STAB2: variants seen among roughly 807,000 people sequenced by gnomAD.
STAB2 encodes stabilin-2.
In STAB2, 288 loss-of-function variants were observed where a neutral mutation model predicts 338.1. That is an observed-to-expected ratio of 0.85 (90% confidence interval 0.77 to 0.94). The LOEUF (loss-of-function observed/expected upper bound fraction) is 0.94, where lower values mean the gene tolerates loss of function less well. Among genes scored for constraint, STAB2 ranks in the 40% least tolerant of loss-of-function variants. STAB2 has a pLI of 0.00. For missense variants in STAB2, 3,141 were observed against 3,210.1 expected (o/e 0.98, Z 0.52); for synonymous variants, 1,202 against 1,193.3 (o/e 1.01, Z -0.15).
chr12:103,705,010 CAAAG>C (rs1436817726), intron 36 of STAB2: 1 of 163,744 alleles, frequency 6.1e-6, no homozygotes, highest in Non-Finnish European at 1.3e-5. Flanking sequence ...CTAACTTTCT[CAAAG>C]AAACAGATGG....
In STAB2 at chr12:103,733,162, C is replaced by T. The variant is rs147616217; in HGVS notation, c.5440C>T (p.His1814Tyr). The T allele has an allele frequency of 4.3e-6, 7 of 1,614,074 alleles. No individual in the cohort carries two copies. The East Asian group carries it at 1.3e-4, about 31-fold the overall frequency. The change falls in exon 51 of 69, where the codon CAT (histidine) becomes TAT (tyrosine). Residue 1814 changes from histidine to tyrosine, a missense_variant. Coordinates refer to ENST00000388887, the MANE Select transcript of STAB2 (RefSeq NM_017564.10). The part of the protein sequence containing the change: ...KDKLKEYLKF[H>Y]VIRDAKVLAV... ...CAAGCTGAAGGAGTATTTGAAGTTTCATGTGATACGAGATGCCAAGGTATT... is the reference window on the plus strand; with the variant it reads ...CAAGCTGAAGGAGTATTTGAAGTTTTATGTGATACGAGATGCCAAGGTATT...
At chr12:103,710,644 G>C (rs535284639) in intron 39 of STAB2, among the ~76,000 whole-genome samples, 1 of 152,326 alleles carries the variant, frequency 6.6e-6, no homozygotes, top group South Asian at 2.1e-4. Flanking sequence ...AGAGAATAGA[G>C]AGAAAGGGAT....
chr12:103,634,077 G>A (rs1957506544), intron 6 of STAB2, among the ~76,000 whole-genome samples: 1 of 152,182 alleles, frequency 6.6e-6, no homozygotes, highest in African/African-American at 2.4e-5. Flanking sequence ...CCCACCAGTA[G>A]GAAATTGGTT....
chr12:103,663,298 T>G (rs1217371408), intron 18 of STAB2, among the ~76,000 whole-genome samples: 1 of 152,214 alleles, frequency 6.6e-6, no homozygotes, highest in Non-Finnish European at 1.5e-5. Context: ...TAATTTATTC[T>G]CTCACAATTC....
chr12:103,621,589 G>A lies in STAB2; in HGVS notation c.418-453G>A, dbSNP rs140713218. Among the ~76,000 whole-genome samples, 187 of 152,246 alleles carry A rather than the reference G, an allele frequency of 1.2e-3. 1 individual carries two copies. Among genetic ancestry groups the A allele is most frequent in the African/African-American group, 4.2e-3 (176 of 41,536 alleles). On this transcript the variant is annotated intron_variant, in intron 4 of 68. Coordinates refer to ENST00000388887, the MANE Select transcript of STAB2 (RefSeq NM_017564.10). Reference sequence around the variant, plus strand: ...TCTACTAAAAATACAAAAATTATCCGGGTGTGGTGGTGTGCACCTGTAATC... The same window carrying A: ...TCTACTAAAAATACAAAAATTATCCAGGTGTGGTGGTGTGCACCTGTAATC...
At position 103,654,661 on chromosome 12, in the gene STAB2, T is replaced by C. The variant is rs373507541; in HGVS notation, c.1514T>C (p.Met505Thr). The C allele has an allele frequency of 4.3e-6, 7 of 1,614,048 alleles. No individual in the cohort carries two copies. In the African/African-American group the frequency reaches 6.7e-5, roughly 15 times the overall value. The change falls in exon 13 of 69, where the codon ATG becomes ACG. Residue 505 changes from methionine to threonine, a missense_variant. Transcript: ENST00000388887. ...NGLLHILDRA[M>T]DKLEPTFESN... ...CTTCTGCACATCCTTGACAGAGCCATGGACAAGTTAGAACCCACATTTGAG... is the reference window on the plus strand; with the variant it reads ...CTTCTGCACATCCTTGACAGAGCCACGGACAAGTTAGAACCCACATTTGAG...
chr12:103,707,403 A>T (rs1054417351), intron 38 of STAB2, among the ~76,000 whole-genome samples: 26 of 152,206 alleles, frequency 1.7e-4, no homozygotes, highest in Non-Finnish European at 1.5e-4. Context: ...TTTACAGATG[A>T]GGGTAGTAAG....
At chr12:103,632,847 G>C (rs1327921448) in intron 6 of STAB2, among the ~76,000 whole-genome samples, 5 of 152,194 alleles carry the variant, frequency 3.3e-5, no homozygotes, top group Admixed American at 3.3e-4. Context: ...GAGCCGGGGA[G>C]CTGAGATGTT....
At position 103,746,633 on chromosome 12, in the gene STAB2, A is replaced by G. The variant is rs763567690; in HGVS notation, c.6173A>G (p.His2058Arg). 6 of 1,614,144 alleles carry G rather than the reference A, an allele frequency of 3.7e-6. No individual in the cohort carries two copies. The highest frequency in any genetic ancestry group is 5.1e-6 in the Non-Finnish European group (6 of 1,179,970). Residue 2058 changes from histidine to arginine, a missense_variant, in exon 58 of 69, where the codon CAT becomes CGT. His to Arg is a conservative substitution (Grantham distance 29). Transcript: ENST00000388887. ...PAVCTPPCSA[H>R]ATCKENNTCE... ...GTGTGTACGCCTCCTTGTTCTGCTC[A>G]TGCCACCTGTAAGGAGAACAACACG...
At chr12:103,660,790 C>T in intron 17 of STAB2, 27 bp downstream of exon 17, 2 of 1,606,946 alleles carry the variant, frequency 1.2e-6, no homozygotes, top group Non-Finnish European at 1.7e-6. Flanking sequence ...CCACCACCAG[C>T]ATCACTTGAA....
In STAB2 at chr12:103,755,640, T is replaced by C; in HGVS notation, c.6909T>C (p.Tyr2303=). Residue 2303 remains tyrosine, a synonymous_variant, in exon 63 of 69, where the codon TAT becomes TAC. Coordinates refer to ENST00000388887, the MANE Select transcript of STAB2 (RefSeq NM_017564.10). ...KDVNCTCKVG[Y]VGDGFSCSGN... ...TGAACTGCACCTGCAAGGTGGGCTA[T>C]GTGGGAGATGGCTTCTCATGCAGTG... 10 of 1,614,148 alleles carry C rather than the reference T, an allele frequency of 6.2e-6. No homozygotes were observed. The highest frequency in any genetic ancestry group is 8.5e-6 in the Non-Finnish European group (10 of 1,180,026).
Position 103,677,492 on chromosome 12 carries a change from G to A in STAB2, c.2686G>A (p.Val896Met), listed in dbSNP as rs148965167. 31 of 1,613,988 alleles carry A rather than the reference G, an allele frequency of 1.9e-5. No individual in the cohort carries two copies. Among genetic ancestry groups the A allele is most frequent in the South Asian group, 1.3e-4 (12 of 91,076 alleles). ...IKTGTGTHTC[V>M]CQQGWTGNGR... ...AACTGGCACGGGCACCCACACCTGCGTGTGTCAGCAGGGTTGGACAGGGAA... is the reference window on the plus strand; with the variant it reads ...AACTGGCACGGGCACCCACACCTGCATGTGTCAGCAGGGTTGGACAGGGAA... Residue 896 changes from valine (V) to methionine (M), a missense_variant, in exon 25 of 69, where the codon GTG (valine) becomes ATG (methionine). Val to Met is a conservative substitution (Grantham distance 21). Coordinates refer to ENST00000388887, the MANE Select transcript of STAB2 (RefSeq NM_017564.10).
At chr12:103,689,752 C>A in intron 28 of STAB2, 94 bp from the exon 29 acceptor site, 1 of 1,498,642 alleles carries the variant, frequency 6.7e-7, no homozygotes, top group Non-Finnish European at 9.0e-7. Flanking sequence ...CTTCCAGTAT[C>A]TTATGGGAAA....
chr12:103,740,548 CT>C, intron 54 of STAB2, 81 bp from the exon 55 acceptor site: 1 of 1,531,032 alleles, frequency 6.5e-7, no homozygotes, highest in East Asian at 2.5e-5. Context: ...TACCTAAGAC[CT>C]CCATGAGGGC....
intron 21 of STAB2, among the ~76,000 whole-genome samples, chr12:103,669,864 T>C (rs1437932190): frequency 6.6e-6 from 1 of 152,120 alleles, no homozygotes; most frequent in Non-Finnish European, 1.5e-5. Context: ...CTGCAGGACG[T>C]TGGGTAACTC....
intron 38 of STAB2, among the ~76,000 whole-genome samples, chr12:103,707,924 C>G (rs1441345740): frequency 2.0e-5 from 3 of 152,060 alleles, no homozygotes; most frequent in Non-Finnish European, 4.4e-5. Flanking sequence ...TGTAGATGAC[C>G]CTGATGGGAT....
chr12:103,723,243 A>T lies in STAB2; in HGVS notation c.4684-1732A>T, dbSNP rs796896132. Among the ~76,000 whole-genome samples the T allele has an allele frequency of 2.6e-5, 4 of 152,220 alleles. No individual in the cohort carries two copies. In the South Asian group the frequency reaches 8.3e-4, roughly 31 times the overall value. On this transcript the variant is annotated intron_variant, in intron 44 of 68. Coordinates refer to ENST00000388887, the MANE Select transcript of STAB2 (RefSeq NM_017564.10). ...ACATACTCCAGACTGGGCAACTTAC[A>T]AAAGAAAGGTTTATTGGGCTTACAG...
At chr12:103,709,260 A>G (rs967158746) in intron 39 of STAB2, among the ~76,000 whole-genome samples, 1 of 152,202 alleles carries the variant, frequency 6.6e-6, no homozygotes, top group African/African-American at 2.4e-5. Flanking sequence ...AGCTCAACAC[A>G]TTTAGGGAAT....
chr12:103,716,714 G>T (rs1218270191), intron 43 of STAB2, among the ~76,000 whole-genome samples: 1 of 152,236 alleles, frequency 6.6e-6, no homozygotes, highest in African/African-American at 2.4e-5. Context: ...ATTCGGAACA[G>T]TCAATGCTGA....
Sources: allele counts gnomAD v4.1 joint callset (sites outside exome capture counted in the v4.1 genomes callset), GRCh38; gene constraint gnomAD v4.1.1; transcripts MANE v1.5; gene names NCBI Gene and HGNC (gene_info 2026-07-23, HGNC 2026-07-21).